Variants in TMEM38B observed in about 807,000 individuals in gnomAD.
TMEM38B encodes transmembrane protein 38B, also known as trimeric intracellular cation channel type B.
In TMEM38B, 24 loss-of-function variants were observed where a neutral mutation model predicts 28.7. The ratio of observed to expected loss-of-function variants is 0.84; its 90% confidence interval spans 0.61 to 1.18. TMEM38B has a LOEUF of 1.18. Ranked by LOEUF, TMEM38B falls within the 50% of genes most tolerant of loss-of-function variation. TMEM38B has a pLI of 0.00. For synonymous variants in TMEM38B, 131 were observed against 127.7 expected (o/e 1.03, Z -0.17); for missense variants, 380 against 350.9 (o/e 1.08, Z -0.66).
chr9:105,705,764 A>C lies in TMEM38B; in HGVS notation c.269+11A>C, dbSNP rs1230221766. 3 of 1,610,362 alleles carry C rather than the reference A, an allele frequency of 1.9e-6. No individual in the cohort carries two copies. Among genetic ancestry groups the C allele is most frequent in the Non-Finnish European group, 2.5e-6 (3 of 1,178,840 alleles). ...GGCATCTTCAATCTGGTAAGCTGCC[A>C]GTATGGTGACCTATGTGACATTTAA... is the stretch of plus-strand genomic sequence containing the variant. On this transcript the variant is annotated intron_variant, in intron 2 of 5. Transcript: ENST00000374692.
At chr9:105,705,298 T>A (rs1419585168) in intron 1 of TMEM38B, among the ~76,000 whole-genome samples, 1 of 152,184 alleles carries the variant, frequency 6.6e-6, no homozygotes, top group Non-Finnish European at 1.5e-5. Flanking sequence ...AAGGAGACAA[T>A]AAGTGAGAAT....
chr9:105,704,753 G>A (rs556752635), intron 1 of TMEM38B, among the ~76,000 whole-genome samples: 1 of 151,860 alleles, frequency 6.6e-6, no homozygotes, highest in African/African-American at 2.4e-5. Context: ...GTGAAACCCC[G>A]TCTCTACTAA....
intron 5 of TMEM38B, chr9:105,760,837 T>G: frequency 1.5e-6 from 1 of 652,044 alleles, no homozygotes; most frequent in Non-Finnish European, 2.6e-6. Flanking sequence ...AAAGGAAGTC[T>G]GTTATTAATA....
At chr9:105,714,512 C>T (rs1160886153) in intron 2 of TMEM38B, among the ~76,000 whole-genome samples, 2 of 152,166 alleles carry the variant, frequency 1.3e-5, no homozygotes, top group Non-Finnish European at 2.9e-5. Flanking sequence ...AAAGGTAATG[C>T]TTGGTTCTTT....
chr9:105,764,307 C>T (rs1213027043), intron 5 of TMEM38B, among the ~76,000 whole-genome samples: 197 of 149,912 alleles, frequency 1.3e-3, no homozygotes, highest in African/African-American at 4.2e-3. Context: ...TGTTTGCAGA[C>T]GACATGATTG....
At chr9:105,772,863 C>G (rs1283904386) in intron 5 of TMEM38B, among the ~76,000 whole-genome samples, 1 of 151,946 alleles carries the variant, frequency 6.6e-6, no homozygotes, top group Non-Finnish European at 1.5e-5. Context: ...TTTTTCTTTT[C>G]TATTCTAAAT....
intron 2 of TMEM38B, among the ~76,000 whole-genome samples, chr9:105,706,376 G>T (rs997810503): frequency 3.3e-5 from 5 of 152,212 alleles, no homozygotes; most frequent in Non-Finnish European, 5.9e-5. Context: ...GTTGCGGGAC[G>T]CAGAGGATTA....
intron 4 of TMEM38B, among the ~76,000 whole-genome samples, chr9:105,742,924 T>G (rs949686666): frequency 6.6e-6 from 1 of 152,210 alleles, no homozygotes; most frequent in African/African-American, 2.4e-5. Flanking sequence ...TTGGGAATGT[T>G]GTAAAACTTT....
At chr9:105,760,792 A>G (rs1756622585) in intron 5 of TMEM38B, 1 of 878,254 alleles carries the variant, frequency 1.1e-6, no homozygotes, top group African/African-American at 1.7e-5. Context: ...TGGAACTTTG[A>G]TAAATGAAGC....
At chr9:105,762,592 A>C (rs1444808107) in intron 5 of TMEM38B, among the ~76,000 whole-genome samples, 15 of 140,326 alleles carry the variant, frequency 1.1e-4, no homozygotes, top group South Asian at 2.4e-4. Flanking sequence ...TGAACTCATC[A>C]TTTTTTATGG....
At position 105,708,854 on chromosome 9, in the gene TMEM38B, A is replaced by ATT. The variant is rs57198402; in HGVS notation, c.269+3111_269+3112dup. The stretch of plus-strand genomic sequence containing the variant: ...TTGCTATCCAACATGTTATCTGTTG[A>ATT]TTTTTTTTTTTATGTTGCTCTAACT... On this transcript the variant is annotated intron_variant, in intron 2 of 5. Coordinates refer to ENST00000374692, the MANE Select transcript of TMEM38B (RefSeq NM_018112.3). Among the ~76,000 whole-genome samples, 29 of 148,968 alleles carry ATT rather than the reference A, an allele frequency of 1.9e-4. 1 individual carries two copies. The highest frequency in any genetic ancestry group is 4.0e-4 in the Admixed American group (6 of 14,942).
At chr9:105,769,752 G>A (rs1223422879) in intron 5 of TMEM38B, among the ~76,000 whole-genome samples, 5 of 152,080 alleles carry the variant, frequency 3.3e-5, no homozygotes, top group Admixed American at 3.3e-4. Context: ...AAAAAACCAT[G>A]TTGATATTTT....
rs1163930097 is a variant in TMEM38B, at chr9:105,774,670, T to A, written c.*590T>A. 2.6e-5 allele frequency: 4 copies of A among 151,892 alleles called. No individual in the cohort carries two copies. The highest frequency in any genetic ancestry group is 9.7e-5 in the African/African-American group (4 of 41,408). The allele number at this position is 151,892 out of a possible 1,614,324, so 9.4% of individuals were successfully genotyped here. ...TACATCAAATGGAAAATATCTGAAA[T>A]TTTTTTTCCATAGCAGGTATTTTCT... On this transcript the variant is annotated 3_prime_UTR_variant, in exon 6 of 6. Transcript: ENST00000374692.
chr9:105,745,895 G>T (rs1401104877), intron 4 of TMEM38B, among the ~76,000 whole-genome samples: 1 of 152,102 alleles, frequency 6.6e-6, no homozygotes, highest in African/African-American at 2.4e-5. Flanking sequence ...AGTTGTAGAT[G>T]TGTGGTATTA....
At chr9:105,761,253 TC>T (rs1389865629) in intron 5 of TMEM38B, among the ~76,000 whole-genome samples, 2 of 152,186 alleles carry the variant, frequency 1.3e-5, no homozygotes, top group Non-Finnish European at 2.9e-5. Flanking sequence ...ATATTCTTTT[TC>T]CACTTTTGAT....
intron 2 of TMEM38B, among the ~76,000 whole-genome samples, chr9:105,715,526 A>G (rs1246532523): frequency 1.3e-5 from 2 of 151,962 alleles, no homozygotes; most frequent in African/African-American, 2.4e-5. Flanking sequence ...TATTATTGGT[A>G]TATTGGCTCT....
chr9:105,762,996 C>T (rs1362606960), intron 5 of TMEM38B, among the ~76,000 whole-genome samples: 7 of 145,678 alleles, frequency 4.8e-5, no homozygotes, highest in Admixed American at 2.7e-4. Flanking sequence ...ATTTGCATTT[C>T]TCTGATGGCC....
intron 4 of TMEM38B, among the ~76,000 whole-genome samples, chr9:105,723,144 A>G (rs1836380911): frequency 6.6e-6 from 1 of 152,210 alleles, no homozygotes; most frequent in African/African-American, 2.4e-5. Flanking sequence ...GAGAAAGATT[A>G]GAGAAATAAC....
chr9:105,696,889 A>G (rs1374092713), intron 1 of TMEM38B, among the ~76,000 whole-genome samples: 1 of 152,264 alleles, frequency 6.6e-6, no homozygotes, highest in Non-Finnish European at 1.5e-5. Context: ...CTTAGAGGCA[A>G]TCCCAGAACT....
Sources: allele counts gnomAD v4.1 joint callset (sites outside exome capture counted in the v4.1 genomes callset), GRCh38; gene constraint gnomAD v4.1.1; transcripts MANE v1.5; gene names NCBI Gene and HGNC (gene_info 2026-07-23, HGNC 2026-07-21).